The following DLGAP2 variants were observed in gnomAD, a reference collection of about 807,000 sequenced individuals.
DLGAP2 encodes the protein DLG associated protein 2, also known as disks large-associated protein 2.
DLGAP2 carries 26 observed loss-of-function variants against 100.3 expected under a neutral mutation model. That is an observed-to-expected ratio of 0.26 (90% CI 0.19 to 0.36). DLGAP2 has a LOEUF of 0.36. Ranked by LOEUF, DLGAP2 falls within the 10% of genes least tolerant of loss-of-function variation. DLGAP2 has a pLI of 1.00. For synonymous variants in DLGAP2, 886 were observed against 630.1 expected, an observed-to-expected ratio of 1.41 and a Z score of -6.08; for missense variants, 1,858 against 1,453.2, an observed-to-expected ratio of 1.28 and a Z score of -4.53.
At chr8:1,502,429 CA>C (rs998477411) in intron 4 of DLGAP2, among the ~76,000 whole-genome samples, 18 of 152,284 alleles carry the variant, frequency 1.2e-4, no homozygotes, top group African/African-American at 4.3e-4. Flanking sequence ...AAGAAAACTA[CA>C]GCCAAAAAGT....
chr8:1,309,113 A>G (rs1380934521), intron 3 of DLGAP2, among the ~76,000 whole-genome samples: 2 of 152,190 alleles, frequency 1.3e-5, no homozygotes, highest in African/African-American at 4.8e-5. Context: ...GTGGAACATC[A>G]TCGGGCTGAT....
intron 1 of DLGAP2, among the ~76,000 whole-genome samples, chr8:839,711 T>C (rs905761954): frequency 6.6e-6 from 1 of 152,184 alleles, no homozygotes; most frequent in East Asian, 1.9e-4. Context: ...CCACCCTAAG[T>C]GCCCCTGTCC....
chr8:1,080,995 C>T (rs1279747411), intron 2 of DLGAP2, among the ~76,000 whole-genome samples: 1 of 152,004 alleles, frequency 6.6e-6, no homozygotes, highest in Non-Finnish European at 1.5e-5. Context: ...TGCATATTAC[C>T]TCATTAGCAT....
At chr8:1,299,450 A>G (rs1396641603) in intron 3 of DLGAP2, among the ~76,000 whole-genome samples, 6 of 152,148 alleles carry the variant, frequency 3.9e-5, no homozygotes, top group Middle Eastern at 3.4e-3. Flanking sequence ...GTTTAATAAT[A>G]CTCTTTGTGA....
intron 2 of DLGAP2, among the ~76,000 whole-genome samples, chr8:1,216,415 C>G (rs560987518): frequency 1.3e-5 from 2 of 152,088 alleles, no homozygotes; most frequent in African/African-American, 2.4e-5. Context: ...GTGGCTCAAT[C>G]TTGGCTCACT....
chr8:1,116,997 T>A (rs1463348167), intron 2 of DLGAP2, among the ~76,000 whole-genome samples: 1 of 152,156 alleles, frequency 6.6e-6, no homozygotes, highest in African/African-American at 2.4e-5. Context: ...AAAAGAAAGC[T>A]GAAAAATAAA....
chr8:923,127 TA>T (rs1242884331), intron 2 of DLGAP2, among the ~76,000 whole-genome samples: 5 of 152,202 alleles, frequency 3.3e-5, no homozygotes, highest in Non-Finnish European at 5.9e-5. Context: ...AGTTACTAGG[TA>T]GCAAACCACA....
At chr8:1,211,267 G>A (rs1422508716) in intron 2 of DLGAP2, among the ~76,000 whole-genome samples, 1 of 152,342 alleles carries the variant, frequency 6.6e-6, no homozygotes, top group Non-Finnish European at 1.5e-5. Context: ...GGCAAACACA[G>A]GGTGGCCGTG....
chr8:1,531,233 A>AGTGTGTGTGTGTGT (rs771634448), intron 4 of DLGAP2, among the ~76,000 whole-genome samples: 1 of 116,728 alleles, frequency 8.6e-6, no homozygotes, highest in African/African-American at 4.7e-5. Flanking sequence ...ATTATTAGAG[A>AGTGTGTGTGTGTGT]GCGTGTGCGT....
chr8:1,361,130 G>C (rs1255229688), intron 3 of DLGAP2, among the ~76,000 whole-genome samples: 1 of 152,204 alleles, frequency 6.6e-6, no homozygotes, highest in Admixed American at 6.5e-5. Context: ...ATGGTCCTTG[G>C]TGGTGACTGC....
intron 3 of DLGAP2, among the ~76,000 whole-genome samples, chr8:1,331,592 C>T (rs957853179): frequency 7.2e-5 from 11 of 152,140 alleles, no homozygotes; most frequent in Admixed American, 1.3e-4. Context: ...ATAATATAAT[C>T]CGTCTTGTGT....
chr8:1,019,440 C>G (rs1387465506), intron 2 of DLGAP2: 1 of 151,894 alleles, frequency 6.6e-6, no homozygotes, highest in Non-Finnish European at 1.5e-5. Flanking sequence ...AATTTCACAT[C>G]TGCTTCTGGA....
chr8:986,200 T>C (rs568328712), intron 2 of DLGAP2, among the ~76,000 whole-genome samples: 5 of 152,180 alleles, frequency 3.3e-5, no homozygotes, highest in Admixed American at 1.3e-4. Flanking sequence ...GCTCTTGGGA[T>C]CCCAAAGAGC....
chr8:844,157 G>A (rs1797031849), intron 1 of DLGAP2, among the ~76,000 whole-genome samples: 1 of 152,204 alleles, frequency 6.6e-6, no homozygotes, highest in Non-Finnish European at 1.5e-5. Flanking sequence ...TGCAGTGAAT[G>A]AGTTAGAAAG....
intron 2 of DLGAP2, among the ~76,000 whole-genome samples, chr8:1,175,275 T>C (rs1797229255): frequency 6.6e-6 from 1 of 152,156 alleles, no homozygotes; most frequent in South Asian, 2.1e-4. Flanking sequence ...GTGTTAAATT[T>C]AGCCCAATAG....
intron 6 of DLGAP2, among the ~76,000 whole-genome samples, chr8:1,597,917 T>C (rs1036983742): frequency 6.6e-6 from 1 of 152,220 alleles, no homozygotes; most frequent in Non-Finnish European, 1.5e-5. Context: ...TGAATAGGAA[T>C]GGTGAGACAG....
chr8:1,626,733 C>G lies in DLGAP2; in HGVS notation c.1443-7C>G. The G allele has an allele frequency of 6.3e-7, 1 of 1,593,690 alleles. No individual in the cohort carries two copies. The highest frequency in any genetic ancestry group is 8.5e-7 in the Non-Finnish European group (1 of 1,170,352). ...GAATGCCTTTTCTCCTTTCTTCTTT[C>G]CTGTAGCCAGACCTACCTGCAAGCT... On this transcript the variant is annotated splice_polypyrimidine_tract_variant and splice_region_variant and intron_variant, in intron 6 of 14. Transcript: ENST00000637795.
At chr8:1,491,635 G>T (rs150688498) in intron 3 of DLGAP2, among the ~76,000 whole-genome samples, 15 of 152,226 alleles carry the variant, frequency 9.9e-5, no homozygotes, top group Non-Finnish European at 1.5e-5. Flanking sequence ...CATGTATTTG[G>T]AATTTAGATC....
intron 3 of DLGAP2, among the ~76,000 whole-genome samples, chr8:1,429,797 C>T (rs1797358071): frequency 6.6e-6 from 1 of 150,844 alleles, no homozygotes; most frequent in South Asian, 2.1e-4. Context: ...CACACTGAGG[C>T]AGAAAAGCAG....
Sources: gnomAD v4.1 joint callset for allele counts (sites outside exome capture counted in the v4.1 genomes callset) on GRCh38, gnomAD v4.1.1 for gene constraint, MANE v1.5 for transcripts, NCBI Gene and HGNC (gene_info 2026-07-23, HGNC 2026-07-21) for gene names.